TRPC4AP: variants seen among roughly 807,000 people sequenced by gnomAD.
The protein encoded by TRPC4AP is short transient receptor potential channel 4-associated protein.
In TRPC4AP, 45 loss-of-function variants were observed where a neutral mutation model predicts 99.0. The ratio of observed to expected loss-of-function variants is 0.45; its 90% CI spans 0.36 to 0.58. The LOEUF (loss-of-function observed/expected upper bound fraction) is 0.58, where lower values mean the gene tolerates loss of function less well. Among genes scored for constraint, TRPC4AP ranks in the 20% least tolerant of loss-of-function variants. TRPC4AP has a pLI of 0.00. For synonymous variants in TRPC4AP, 408 were observed against 385.8 expected (o/e 1.06, Z -0.67); for missense variants, 879 against 985.3 (o/e 0.89, Z 1.44).
intron 8 of TRPC4AP, 38 bp downstream of exon 8, chr20:35,035,079 CAAGGAA>C: frequency 6.4e-7 from 1 of 1,564,462 alleles, no homozygotes; most frequent in South Asian, 1.2e-5. Context: ...CCCAGGCGCC[CAAGGAA>C]AAGCTCCCGA....
intron 8 of TRPC4AP, among the ~76,000 whole-genome samples, chr20:35,034,437 G>C (rs2083271071): frequency 6.6e-6 from 1 of 152,098 alleles, no homozygotes; most frequent in Non-Finnish European, 1.5e-5. Flanking sequence ...CACACCGTGA[G>C]TACAGTATGG....
chr20:35,032,443 C>G (rs929477940), intron 8 of TRPC4AP, among the ~76,000 whole-genome samples: 14 of 149,062 alleles, frequency 9.4e-5, no homozygotes, highest in Admixed American at 1.3e-4. Flanking sequence ...TTTACTTCTT[C>G]AAGCATAGTT....
intron 11 of TRPC4AP, 36 bp from the exon 12 acceptor site, chr20:35,010,324 G>T: frequency 6.3e-7 from 1 of 1,576,996 alleles, no homozygotes; most frequent in Non-Finnish European, 8.7e-7. Flanking sequence ...TAAAGGACAG[G>T]AACTGGGGCT....
chr20:35,092,674 G>A lies in TRPC4AP; in HGVS notation c.108C>T (p.Asn36=), dbSNP rs2146065022. ...GGWGGRPRPG[N]ILLQLRQGQL... ...GGCCCTGCCGCAGCTGCAGCAGAATGTTACCAGGCCGCGGCCGGCCGCCCC... is the reference window on the plus strand; with the variant it reads ...GGCCCTGCCGCAGCTGCAGCAGAATATTACCAGGCCGCGGCCGGCCGCCCC... Residue 36 remains asparagine, a synonymous_variant, in exon 1 of 19, where the codon AAC becomes AAT. Coordinates refer to ENST00000252015, the MANE Select transcript of TRPC4AP (RefSeq NM_015638.3). 1 of 1,527,304 alleles carries A rather than the reference G, an allele frequency of 6.5e-7. No homozygotes were observed. The highest frequency in any genetic ancestry group is 8.7e-7 in the Non-Finnish European group (1 of 1,146,474). The allele number at this position is 1,527,304 out of a possible 1,614,324, so 94.6% of individuals were successfully genotyped here.
intron 4 of TRPC4AP, 136 bp downstream of exon 4, chr20:35,057,378 G>C (rs759192114): frequency 3.0e-6 from 2 of 677,080 alleles, no homozygotes; most frequent in Non-Finnish European, 5.2e-6. Flanking sequence ...GGGGAGGAGA[G>C]AGCAACCTGT....
chr20:35,039,224 T>C (rs999270486), intron 7 of TRPC4AP, among the ~76,000 whole-genome samples: 4 of 152,244 alleles, frequency 2.6e-5, no homozygotes, highest in Admixed American at 6.5e-5. Context: ...GGACAGCATG[T>C]AGGAGCTAGT....
At chr20:35,081,868 CCAGTTACTCG>C (rs1352913350) in intron 1 of TRPC4AP, among the ~76,000 whole-genome samples, 1 of 152,058 alleles carries the variant, frequency 6.6e-6, no homozygotes, top group Non-Finnish European at 1.5e-5. Flanking sequence ...GCCTGTAATC[CCAGTTACTCG>C]AGAGGCTGAG....
chr20:35,005,954 C>G (rs1256342197), intron 15 of TRPC4AP, 151 bp from the exon 16 acceptor site: 3 of 642,820 alleles, frequency 4.7e-6, no homozygotes, highest in Non-Finnish European at 8.1e-6. Context: ...GCTGAGGGAC[C>G]TCCCCTCACC....
At chr20:35,072,332 T>C (rs2084342774) in intron 2 of TRPC4AP, among the ~76,000 whole-genome samples, 1 of 152,216 alleles carries the variant, frequency 6.6e-6, no homozygotes, top group Non-Finnish European at 1.5e-5. Context: ...TTGCTTTTGG[T>C]GTTTTAGTCA....
intron 3 of TRPC4AP, among the ~76,000 whole-genome samples, chr20:35,062,727 T>C (rs2084038400): frequency 6.6e-6 from 1 of 152,178 alleles, no homozygotes; most frequent in Non-Finnish European, 1.5e-5. Context: ...GAATATGGTG[T>C]TTCTTTTTTG....
intron 1 of TRPC4AP, among the ~76,000 whole-genome samples, chr20:35,085,175 G>A (rs1831739234): frequency 1.3e-5 from 2 of 152,222 alleles, no homozygotes; most frequent in Non-Finnish European, 2.9e-5. Flanking sequence ...GAACTTAGAG[G>A]TGCAAAGCAG....
chr20:35,005,581 T>C lies in TRPC4AP; in HGVS notation c.1936+114A>G, dbSNP rs572982810. 1.1e-5 allele frequency: 11 copies of C among 967,792 alleles called. No individual in the cohort carries two copies. In the East Asian group the frequency reaches 2.8e-4, roughly 25 times the overall value. 60.0% of individuals were successfully genotyped at this position (967,792 alleles called of 1,614,324 possible). ...AGCCGCCACCTTGAGGCCGGCCACGTGGGCATCTGGTGCAGCTCCCTCAGT... is the reference window on the plus strand; with the variant it reads ...AGCCGCCACCTTGAGGCCGGCCACGCGGGCATCTGGTGCAGCTCCCTCAGT... On this transcript the variant is annotated intron_variant, in intron 16 of 18. Coordinates refer to ENST00000252015, the MANE Select transcript of TRPC4AP (RefSeq NM_015638.3).
chr20:35,053,580 T>C (rs2083752593), intron 5 of TRPC4AP, among the ~76,000 whole-genome samples: 2 of 152,294 alleles, frequency 1.3e-5, no homozygotes, highest in East Asian at 1.9e-4. Context: ...ATCTCTGTCA[T>C]TGGCTATACA....
Position 35,021,118 on chromosome 20 carries a change from A to G in TRPC4AP, c.1218+72T>C, listed in dbSNP as rs142751315. ...GCCATTCTAACAGAAGGCCCAGTGG[A>G]GCACCTGGCATACCATGAGCACCCG... On this transcript the variant is annotated intron_variant, in intron 9 of 18. Transcript: ENST00000252015. 2,378 of 1,518,794 alleles carry G rather than the reference A, an allele frequency of 1.6e-3. 32 individuals are homozygous for G. In the African/African-American group the frequency reaches 0.023, roughly 15 times the overall value. The allele number at this position is 1,518,794 out of a possible 1,614,324, so 94.1% of individuals were successfully genotyped here.
chr20:35,020,878 G>A (rs1404216008), intron 9 of TRPC4AP, among the ~76,000 whole-genome samples: 2 of 152,114 alleles, frequency 1.3e-5, no homozygotes, highest in South Asian at 2.1e-4. Context: ...CCTCTAGCAT[G>A]TCCACAGGGC....
intron 1 of TRPC4AP, among the ~76,000 whole-genome samples, chr20:35,083,212 A>G (rs2084695967): frequency 6.6e-6 from 1 of 152,208 alleles, no homozygotes; most frequent in South Asian, 2.1e-4. Flanking sequence ...CAATTTTTAA[A>G]TGCAGTTTTA....
chr20:35,087,763 C>G (rs1277961706), intron 1 of TRPC4AP, among the ~76,000 whole-genome samples: 1 of 152,168 alleles, frequency 6.6e-6, no homozygotes, highest in Non-Finnish European at 1.5e-5. Flanking sequence ...TCCAAAGTAT[C>G]ACCCCAGCAT....
At chr20:35,056,809 A>C (rs2083838707) in intron 4 of TRPC4AP, among the ~76,000 whole-genome samples, 1 of 150,984 alleles carries the variant, frequency 6.6e-6, no homozygotes, top group Non-Finnish European at 1.5e-5. Context: ...GTGAAACCCC[A>C]TCTCTACTAA....
chr20:35,064,358 G>C (rs763716530), intron 3 of TRPC4AP, among the ~76,000 whole-genome samples: 1 of 152,178 alleles, frequency 6.6e-6, no homozygotes, highest in Non-Finnish European at 1.5e-5. Context: ...GCAAATCTTT[G>C]AGACTAGACA....
Sources: allele counts gnomAD v4.1 joint callset (sites outside exome capture counted in the v4.1 genomes callset), GRCh38; gene constraint gnomAD v4.1.1; transcripts MANE v1.5; gene names NCBI Gene and HGNC (gene_info 2026-07-23, HGNC 2026-07-21).